Variants in EYS observed in about 807,000 individuals in gnomAD.
EYS encodes protein eyes shut homolog.
EYS carries 250 observed loss-of-function variants against 282.1 expected under a neutral mutation model. The ratio of observed to expected loss-of-function variants is 0.89; its 90% CI spans 0.80 to 0.98. The LOEUF (loss-of-function observed/expected upper bound fraction) is 0.98, where lower values mean the gene tolerates loss of function less well. Ranked by LOEUF, EYS falls within the 50% of genes least tolerant of loss-of-function variation. The probability of loss-of-function intolerance (pLI) is 0.00; values close to 1 mark genes in which losing one functional copy is unlikely to be tolerated. For synonymous variants in EYS, 1,355 were observed against 1,282.9 expected (o/e 1.06, Z -1.20); for missense variants, 4,016 against 3,709.0 (o/e 1.08, Z -2.15).
At chr6:64,168,025 G>A (rs959273923) in intron 31 of EYS, among the ~76,000 whole-genome samples, 1 of 152,182 alleles carries the variant, frequency 6.6e-6, no homozygotes, top group African/African-American at 2.4e-5. Flanking sequence ...CACTTTGGGA[G>A]GCCGAGGCAG....
chr6:64,244,623 T>A (rs1766949040), intron 30 of EYS, among the ~76,000 whole-genome samples: 1 of 152,202 alleles, frequency 6.6e-6, no homozygotes, highest in Non-Finnish European at 1.5e-5. Flanking sequence ...ATGTATTATA[T>A]GAAATTGAAT....
intron 2 of EYS, among the ~76,000 whole-genome samples, chr6:65,523,656 CTA>C (rs1291143424): frequency 6.6e-6 from 1 of 151,934 alleles, no homozygotes; most frequent in Non-Finnish European, 1.5e-5. Flanking sequence ...GTTGTATACG[CTA>C]AATATGCCCA....
At chr6:65,206,893 A>C (rs550726121) in intron 12 of EYS, among the ~76,000 whole-genome samples, 1 of 151,942 alleles carries the variant, frequency 6.6e-6, no homozygotes, top group Non-Finnish European at 1.5e-5. Flanking sequence ...TAAGAGCCAT[A>C]TGTGACAAAC....
At chr6:64,468,433 C>T (rs898918975) in intron 26 of EYS, among the ~76,000 whole-genome samples, 2 of 152,296 alleles carry the variant, frequency 1.3e-5, no homozygotes, top group Non-Finnish European at 2.9e-5. Flanking sequence ...TGTGTCTTTA[C>T]GTTGATACAC....
intron 12 of EYS, among the ~76,000 whole-genome samples, chr6:65,287,339 T>C (rs2150280176): frequency 6.6e-6 from 1 of 151,602 alleles, no homozygotes; most frequent in East Asian, 1.9e-4. Context: ...TGAATATATT[T>C]GGTCATTTCC....
At chr6:64,553,947 G>C (rs1191082731) in intron 26 of EYS, among the ~76,000 whole-genome samples, 2 of 151,830 alleles carry the variant, frequency 1.3e-5, no homozygotes, top group Admixed American at 6.6e-5. Flanking sequence ...TGTGTTACCT[G>C]TTTTCATTGC....
chr6:64,989,098 A>C (rs2150121190), intron 14 of EYS, among the ~76,000 whole-genome samples: 1 of 151,454 alleles, frequency 6.6e-6, no homozygotes, highest in Non-Finnish European at 1.5e-5. Flanking sequence ...AGCATTTTAC[A>C]TTTAATTTGT....
intron 33 of EYS, among the ~76,000 whole-genome samples, chr6:64,057,025 C>T (rs1212188030): frequency 6.6e-6 from 1 of 152,130 alleles, no homozygotes; most frequent in Non-Finnish European, 1.5e-5. Flanking sequence ...AGAATTCTAT[C>T]TCAAATAGCA....
intron 12 of EYS, among the ~76,000 whole-genome samples, chr6:65,235,544 G>C (rs1280105292): frequency 2.6e-5 from 4 of 152,104 alleles, no homozygotes; most frequent in Admixed American, 2.0e-4. Context: ...CAAGCTGACA[G>C]CTACAGTAGG....
At chr6:65,448,130 A>T (rs1477121465) in intron 5 of EYS, among the ~76,000 whole-genome samples, 1 of 152,008 alleles carries the variant, frequency 6.6e-6, no homozygotes, top group Non-Finnish European at 1.5e-5. Flanking sequence ...TATCCACTAA[A>T]TTCCAAGTAC....
chr6:65,088,030 T>A (rs922083722), intron 12 of EYS, among the ~76,000 whole-genome samples: 2 of 152,192 alleles, frequency 1.3e-5, no homozygotes. Context: ...CATACTCCTG[T>A]CCTGTGAAGA....
rs148179402 is a variant in EYS, at chr6:64,046,311, G to T, written c.6725+20027C>A. ...CTAAAATACAAAAAGGAATCTAAGG[G>T]GAAGAACATTTAAAATGTCTCCTGT... On this transcript the variant is annotated intron_variant, in intron 33 of 42. Transcript: ENST00000503581. Among the ~76,000 whole-genome samples, 7 of 151,918 alleles carry T rather than the reference G, an allele frequency of 4.6e-5. No homozygotes were observed. The East Asian group carries it at 1.2e-3, about 25-fold the overall frequency.
intron 35 of EYS, among the ~76,000 whole-genome samples, chr6:63,914,173 A>G (rs957038919): frequency 2.0e-5 from 3 of 152,144 alleles, no homozygotes; most frequent in African/African-American, 7.2e-5. Flanking sequence ...AACAATATTG[A>G]AATTAGGCCA....
chr6:64,360,012 G>A (rs942443669), intron 29 of EYS, among the ~76,000 whole-genome samples: 2 of 151,554 alleles, frequency 1.3e-5, no homozygotes, highest in African/African-American at 4.8e-5. Context: ...TTCCTCAAAT[G>A]GTTTCAAGTT....
chr6:63,870,859 G>C (rs143167648), intron 35 of EYS, among the ~76,000 whole-genome samples: 93 of 152,272 alleles, frequency 6.1e-4, no homozygotes, highest in African/African-American at 2.2e-3. Flanking sequence ...GAAGTTAGGT[G>C]CACAGTTGTA....
intron 11 of EYS, among the ~76,000 whole-genome samples, chr6:65,299,146 T>C (rs1768745772): frequency 6.6e-6 from 1 of 152,148 alleles, no homozygotes; most frequent in Non-Finnish European, 1.5e-5. Flanking sequence ...GAGTTCTGCA[T>C]ATCATAAAAT....
chr6:63,763,716 A>G (rs1769707772), intron 40 of EYS, among the ~76,000 whole-genome samples: 2 of 151,820 alleles, frequency 1.3e-5, no homozygotes, highest in African/African-American at 4.8e-5. Context: ...CTCCCCAGCC[A>G]TGCTGAACTG....
At chr6:63,812,014 G>A (rs573071433) in intron 36 of EYS, among the ~76,000 whole-genome samples, 1 of 152,296 alleles carries the variant, frequency 6.6e-6, no homozygotes, top group South Asian at 2.1e-4. Context: ...TGGTCTCCGT[G>A]TTGCTACCTT....
At chr6:63,844,206 T>C (rs1041295323) in intron 36 of EYS, among the ~76,000 whole-genome samples, 1 of 152,226 alleles carries the variant, frequency 6.6e-6, no homozygotes, top group Admixed American at 6.5e-5. Context: ...TATGGCTGCA[T>C]AGTAGCCCAT....
Sources: allele counts gnomAD v4.1 joint callset (sites outside exome capture counted in the v4.1 genomes callset), GRCh38; gene constraint gnomAD v4.1.1; transcripts MANE v1.5; gene names NCBI Gene and HGNC (gene_info 2026-07-23, HGNC 2026-07-21).